NEGR1: variants seen among roughly 807,000 people sequenced by gnomAD.
NEGR1 encodes IgLON family member 4.
Under a neutral mutation model 40.9 loss-of-function variants are expected in NEGR1, and 10 were observed. That is an observed-to-expected ratio of 0.24 (90% CI 0.15 to 0.42). The LOEUF (loss-of-function observed/expected upper bound fraction) is 0.42. Among genes scored for constraint, NEGR1 ranks in the 10% least tolerant of loss-of-function variants. The pLI, the probability that NEGR1 is intolerant of heterozygous loss-of-function variation, is 1.00. For synonymous variants in NEGR1, 185 were observed against 166.8 expected, an observed-to-expected ratio of 1.11 and a Z score of -0.84; for missense variants, 352 against 438.9, an observed-to-expected ratio of 0.80 and a Z score of 1.77.
rs372094145 is a variant in NEGR1 at position 71,492,032 on chromosome 1, A to C, written c.941-84462T>G. ...CTGTCTCCCACTTTTTGCCCTTCTA[A>C]GGTACAAGGACACAGTGCCATCTTG... On this transcript the variant is annotated intron_variant, in intron 6 of 6. Transcript: ENST00000357731. Among the ~76,000 whole-genome samples, 2 of 152,078 alleles carry C rather than the reference A, an allele frequency of 1.3e-5. 1 individual carries two copies. The highest frequency in any genetic ancestry group is 3.9e-4 in the East Asian group (2 of 5,170).
chr1:71,501,762 A>G (rs1438108086), intron 6 of NEGR1, among the ~76,000 whole-genome samples: 3 of 152,234 alleles, frequency 2.0e-5, no homozygotes, highest in African/African-American at 7.2e-5. Flanking sequence ...ATAACTACAG[A>G]TAAGAAGAAT....
intron 6 of NEGR1, chr1:71,486,410 G>T (rs888947609): frequency 1.3e-5 from 2 of 150,916 alleles, no homozygotes; most frequent in Admixed American, 1.3e-4. Flanking sequence ...CTTTCATGGT[G>T]AAAGAAGAGG....
intron 3 of NEGR1, among the ~76,000 whole-genome samples, chr1:71,723,392 A>T (rs548915441): frequency 3.4e-4 from 51 of 152,234 alleles, no homozygotes; most frequent in African/African-American, 1.2e-3. Flanking sequence ...ATCAAACCTC[A>T]ATTAGAAATT....
intron 1 of NEGR1, among the ~76,000 whole-genome samples, chr1:72,155,695 A>AT (rs560602589): frequency 1.0e-3 from 158 of 152,194 alleles, no homozygotes; most frequent in African/African-American, 3.5e-3. Context: ...AGGCAGAATG[A>AT]TATATTGAAT....
intron 1 of NEGR1, among the ~76,000 whole-genome samples, chr1:72,151,052 C>T (rs1253731951): frequency 2.6e-5 from 4 of 151,876 alleles, no homozygotes; most frequent in Non-Finnish European, 5.9e-5. Context: ...AGCCATCTAA[C>T]TGACCCACCA....
chr1:72,020,122 C>T (rs1646743632), intron 1 of NEGR1, among the ~76,000 whole-genome samples: 1 of 152,168 alleles, frequency 6.6e-6, no homozygotes, highest in Admixed American at 6.6e-5. Context: ...AATGAAGCAT[C>T]ATCGATTTTG....
chr1:72,276,999 G>A (rs1046366260), intron 1 of NEGR1, among the ~76,000 whole-genome samples: 2 of 152,152 alleles, frequency 1.3e-5, no homozygotes, highest in African/African-American at 4.8e-5. Flanking sequence ...AAACACAGGA[G>A]CTAGTTATCA....
intron 2 of NEGR1, among the ~76,000 whole-genome samples, chr1:71,899,789 A>G (rs1008692564): frequency 2.0e-5 from 3 of 152,106 alleles, no homozygotes; most frequent in African/African-American, 4.8e-5. Flanking sequence ...AATATATTCC[A>G]TATTTGCCTT....
chr1:72,059,988 A>C (rs1259029488), intron 1 of NEGR1, among the ~76,000 whole-genome samples: 1 of 151,716 alleles, frequency 6.6e-6, no homozygotes, highest in Non-Finnish European at 1.5e-5. Context: ...CTTTCAGTTT[A>C]ACATGATTTA....
chr1:71,980,883 AT>A (rs1646348346), intron 1 of NEGR1, among the ~76,000 whole-genome samples: 1 of 151,990 alleles, frequency 6.6e-6, no homozygotes. Flanking sequence ...TGTTCTCACC[AT>A]CCTTCTTTAT....
intron 1 of NEGR1, among the ~76,000 whole-genome samples, chr1:72,071,202 T>C (rs1463162788): frequency 6.6e-6 from 1 of 151,910 alleles, no homozygotes; most frequent in Non-Finnish European, 1.5e-5. Context: ...AAGTCAGACA[T>C]GTTGAATATT....
intron 2 of NEGR1, among the ~76,000 whole-genome samples, chr1:71,924,116 A>T (rs1292878794): frequency 1.3e-5 from 2 of 151,964 alleles, no homozygotes; most frequent in Non-Finnish European, 1.5e-5. Flanking sequence ...GTCTCAAGTG[A>T]TCCTCCTGCT....
chr1:72,200,583 C>A (rs534345607), intron 1 of NEGR1, among the ~76,000 whole-genome samples: 2 of 151,822 alleles, frequency 1.3e-5, no homozygotes, highest in Non-Finnish European at 2.9e-5. Flanking sequence ...ATACACCAAG[C>A]CTCAGGGATA....
At chr1:71,465,409 C>A (rs1646739013) in intron 6 of NEGR1, among the ~76,000 whole-genome samples, 1 of 152,078 alleles carries the variant, frequency 6.6e-6, no homozygotes, top group South Asian at 2.1e-4. Context: ...ACAACTTGTT[C>A]TTTGTCCTTG....
chr1:72,244,133 A>G (rs1269455932), intron 1 of NEGR1, among the ~76,000 whole-genome samples: 1 of 151,762 alleles, frequency 6.6e-6, no homozygotes. Flanking sequence ...ATGGTAGAGA[A>G]CATCTTTCAG....
chr1:72,242,975 C>G (rs899679999), intron 1 of NEGR1, among the ~76,000 whole-genome samples: 6 of 151,476 alleles, frequency 4.0e-5, no homozygotes, highest in Non-Finnish European at 8.9e-5. Context: ...TAATTGTACT[C>G]ATATTATGTC....
chr1:71,553,889 TTTC>T (rs144148326), intron 6 of NEGR1, among the ~76,000 whole-genome samples: 4,101 of 151,650 alleles, frequency 0.027, 157 homozygotes, highest in African/African-American at 0.076. Flanking sequence ...ACAAAATCTT[TTTC>T]TTATTTAACA....
chr1:71,468,763 A>G (rs1646763543), intron 6 of NEGR1: 1 of 152,090 alleles, frequency 6.6e-6, no homozygotes, highest in South Asian at 2.1e-4. Flanking sequence ...TCTCAAATAA[A>G]AACTACCCAG....
intron 1 of NEGR1, among the ~76,000 whole-genome samples, chr1:72,020,459 G>A (rs1368072677): frequency 2.0e-5 from 3 of 152,116 alleles, no homozygotes; most frequent in East Asian, 1.9e-4. Flanking sequence ...GGGAATGCTT[G>A]CTAGGTTGGG....
Sources: allele counts gnomAD v4.1 joint callset (sites outside exome capture counted in the v4.1 genomes callset), GRCh38; gene constraint gnomAD v4.1.1; transcripts MANE v1.5; gene names NCBI Gene and HGNC (gene_info 2026-07-23, HGNC 2026-07-21).